CSMD1: variants seen among roughly 807,000 people sequenced by gnomAD.
CSMD1 encodes the protein CUB and Sushi multiple domains 1, also known as CUB and sushi domain-containing protein 1.
Under a neutral mutation model 417.5 loss-of-function variants are expected in CSMD1, and 213 were observed. That is an observed-to-expected ratio of 0.51 (90% CI 0.46 to 0.57). The LOEUF is 0.57. Among genes scored for constraint, CSMD1 ranks in the 20% least tolerant of loss-of-function variants. The pLI is 0.00. For missense variants in CSMD1, 6,923 were observed against 4,529.7 expected (o/e 1.53, Z -15.17); for synonymous variants, 2,862 against 1,736.8 (o/e 1.65, Z -16.11).
intron 3 of CSMD1, among the ~76,000 whole-genome samples, chr8:4,376,009 G>T (rs975458334): frequency 1.3e-5 from 2 of 152,136 alleles, no homozygotes; most frequent in Admixed American, 6.6e-5. Context: ...CCAAGGGATT[G>T]TCTATGGTGG....
intron 3 of CSMD1, among the ~76,000 whole-genome samples, chr8:4,155,568 C>A (rs892704975): frequency 6.6e-6 from 1 of 152,110 alleles, no homozygotes; most frequent in African/African-American, 2.4e-5. Flanking sequence ...AACGAACGTT[C>A]TTATCTTTAA....
chr8:3,056,083 C>T (rs1040203786), intron 49 of CSMD1, among the ~76,000 whole-genome samples: 1 of 152,164 alleles, frequency 6.6e-6, no homozygotes, highest in Non-Finnish European at 1.5e-5. Context: ...AAAATTTTTA[C>T]TTATTTATTT....
chr8:4,933,998 C>G (rs1585358777), intron 1 of CSMD1, among the ~76,000 whole-genome samples: 1 of 151,206 alleles, frequency 6.6e-6, no homozygotes, highest in East Asian at 1.9e-4. Flanking sequence ...TACGTTTATG[C>G]TTTTTTTTTA....
chr8:3,376,075 C>A (rs1157520380), intron 18 of CSMD1, among the ~76,000 whole-genome samples: 1 of 152,126 alleles, frequency 6.6e-6, no homozygotes, highest in African/African-American at 2.4e-5. Context: ...TTAAAAATGT[C>A]TTTCCTTTTG....
intron 11 of CSMD1, among the ~76,000 whole-genome samples, chr8:3,489,243 C>G (rs1202762645): frequency 1.3e-5 from 2 of 152,134 alleles, no homozygotes; most frequent in South Asian, 2.1e-4. Context: ...ATGGATTAAT[C>G]CAGCCCTAAG....
Position 3,841,831 on chromosome 8 carries a change from C to G in CSMD1, c.819-87789G>C, listed in dbSNP as rs559265865. Reference sequence around the variant, plus strand: ...ATGATCTGTGTTCAAAGCACCGAGACTTTGCATCAAGCTAGCAGCTCCTCA... The same window carrying G: ...ATGATCTGTGTTCAAAGCACCGAGAGTTTGCATCAAGCTAGCAGCTCCTCA... On this transcript the variant is annotated intron_variant, in intron 5 of 69. Transcript: ENST00000635120. Among the ~76,000 whole-genome samples, 4 of 152,186 alleles carry G rather than the reference C, an allele frequency of 2.6e-5. No homozygotes were observed. In the South Asian group the frequency reaches 6.2e-4, roughly 24 times the overall value.
chr8:2,939,991 G>A (rs1801757348), intron 69 of CSMD1, among the ~76,000 whole-genome samples: 2 of 152,206 alleles, frequency 1.3e-5, no homozygotes, highest in African/African-American at 2.4e-5. Context: ...GTGTGCAGCT[G>A]CACCCGGCAG....
chr8:3,663,778 A>C (rs77172891), intron 7 of CSMD1, among the ~76,000 whole-genome samples: 5,620 of 152,186 alleles, frequency 0.037, 347 homozygotes, highest in African/African-American at 0.13. Flanking sequence ...ACATATGCTG[A>C]TTGATGTCTC....
chr8:4,676,940 TAGAG>T (rs1294395847), intron 1 of CSMD1, among the ~76,000 whole-genome samples: 1 of 147,532 alleles, frequency 6.8e-6, no homozygotes, highest in Non-Finnish European at 1.5e-5. Flanking sequence ...ATGATATATA[TAGAG>T]AAATTATATA....
chr8:3,662,619 G>A (rs1442077285), intron 7 of CSMD1, among the ~76,000 whole-genome samples: 1 of 152,162 alleles, frequency 6.6e-6, no homozygotes, highest in Admixed American at 6.5e-5. Context: ...TCTCCACACT[G>A]TCTTCCAGAA....
chr8:4,143,542 T>C lies in CSMD1; in HGVS notation c.416-111443A>G, dbSNP rs1265465670. ...ATATTAAGTTTATATCAAATCTATA[T>C]TGTATACTTGTAAGGCTTAGATATG... On this transcript the variant is annotated intron_variant, in intron 3 of 69. Coordinates refer to ENST00000635120, the MANE Select transcript of CSMD1 (RefSeq NM_033225.6). 6.6e-5 allele frequency among the ~76,000 whole-genome samples: 10 copies of C among 151,068 alleles called. No homozygotes were observed. The East Asian group carries it at 1.4e-3, about 20-fold the overall frequency.
At chr8:3,873,172 C>A (rs368134363) in intron 5 of CSMD1, among the ~76,000 whole-genome samples, 10 of 152,044 alleles carry the variant, frequency 6.6e-5, no homozygotes, top group African/African-American at 1.7e-4. Flanking sequence ...AAAAACAGAA[C>A]TACCATTCAA....
intron 5 of CSMD1, among the ~76,000 whole-genome samples, chr8:3,756,542 G>A (rs1266717615): frequency 1.8e-4 from 27 of 152,008 alleles, no homozygotes; most frequent in Admixed American, 1.8e-3. Flanking sequence ...CGATCCTAAT[G>A]TAAAATATAT....
chr8:3,904,278 G>A (rs1050525389), intron 5 of CSMD1, among the ~76,000 whole-genome samples: 2 of 152,148 alleles, frequency 1.3e-5, no homozygotes, highest in African/African-American at 2.4e-5. Flanking sequence ...ACAAATCATA[G>A]GTTCTTCCTG....
intron 49 of CSMD1, among the ~76,000 whole-genome samples, chr8:3,066,069 T>C (rs1184410534): frequency 1.3e-5 from 2 of 152,074 alleles, no homozygotes; most frequent in Non-Finnish European, 2.9e-5. Context: ...TACAGAAAAA[T>C]TGTCTATTGG....
intron 62 of CSMD1, among the ~76,000 whole-genome samples, chr8:2,960,718 C>T (rs913988436): frequency 1.6e-4 from 25 of 151,932 alleles, no homozygotes; most frequent in African/African-American, 6.0e-4. Context: ...CTATTTTTAT[C>T]TCTAGAATTT....
intron 4 of CSMD1, among the ~76,000 whole-genome samples, chr8:4,005,259 C>A (rs2130391489): frequency 6.7e-6 from 1 of 148,792 alleles, no homozygotes; most frequent in East Asian, 2.0e-4. Context: ...TAACCAAACA[C>A]CATCTACACC....
At chr8:3,829,922 T>C (rs1802277929) in intron 5 of CSMD1, among the ~76,000 whole-genome samples, 1 of 152,170 alleles carries the variant, frequency 6.6e-6, no homozygotes, top group South Asian at 2.1e-4. Flanking sequence ...TGAAGGCTTT[T>C]CTCCTTTGAA....
chr8:4,735,186 C>T (rs1054105545), intron 1 of CSMD1, among the ~76,000 whole-genome samples: 1 of 152,138 alleles, frequency 6.6e-6, no homozygotes, highest in Admixed American at 6.5e-5. Context: ...AGGAATGCCC[C>T]CTTCTCTTTC....
Sources: gnomAD v4.1 joint callset for allele counts (sites outside exome capture counted in the v4.1 genomes callset) on GRCh38, gnomAD v4.1.1 for gene constraint, MANE v1.5 for transcripts, NCBI Gene and HGNC (gene_info 2026-07-23, HGNC 2026-07-21) for gene names.